The following MCTP2 variants were observed in gnomAD, a reference collection of about 807,000 sequenced individuals.
MCTP2 encodes multiple C2 and transmembrane domain-containing protein 2.
Under a neutral mutation model 111.6 loss-of-function variants are expected in MCTP2, and 132 were observed. That is an observed-to-expected ratio of 1.18 (90% CI 1.03 to 1.37). The LOEUF is 1.37. Ranked by LOEUF, MCTP2 falls within the 40% of genes most tolerant of loss-of-function variation. The pLI, the probability that MCTP2 is intolerant of heterozygous loss-of-function variation, is 0.00. For synonymous variants in MCTP2, 395 were observed against 387.7 expected (o/e 1.02, Z -0.22); for missense variants, 1,183 against 1,067.9 (o/e 1.11, Z -1.50).
At position 94,343,461 on chromosome 15, in the gene MCTP2, C is replaced by A. The variant is rs28431899; in HGVS notation, c.970-1668C>A. ...TTTCTTCCAGTCATCTTTGAGGTAG[C>A]CTTTGTTGCTTTAGAACCAAGCTGA... On this transcript the variant is annotated intron_variant, in intron 7 of 22. Coordinates refer to ENST00000357742, the MANE Select transcript of MCTP2 (RefSeq NM_001385001.1). The A allele has an allele frequency of 1.5e-3, 221 of 152,166 alleles. 1 individual carries two copies. The highest frequency in any genetic ancestry group is 4.9e-3 in the African/African-American group (205 of 41,544). 9.4% of individuals were successfully genotyped at this position (152,166 alleles called of 1,614,324 possible). A position where few individuals can be genotyped will look rare whatever the true frequency, so the allele number is the denominator to read the frequency against.
intron 7 of MCTP2, chr15:94,342,870 A>G (rs1317108904): frequency 6.6e-6 from 1 of 151,022 alleles, no homozygotes; most frequent in African/African-American, 2.4e-5. Context: ...CTGCATATTC[A>G]AATAGCTATC....
chr15:94,412,186 C>A (rs1047569523), intron 17 of MCTP2, among the ~76,000 whole-genome samples: 1 of 152,122 alleles, frequency 6.6e-6, no homozygotes, highest in Non-Finnish European at 1.5e-5. Flanking sequence ...GATTCTCAGT[C>A]CTACACTACT....
chr15:94,242,862 C>G lies in MCTP2; in HGVS notation c.-66+11198C>G, dbSNP rs138754635. On this transcript the variant is annotated intron_variant, in intron 1 of 22. Coordinates refer to ENST00000357742, the MANE Select transcript of MCTP2 (RefSeq NM_001385001.1). ...TGATTTGATGAAAGCCTGGCCACTT[C>G]TGGGGTTAGCTGACAGTGTTTCCTA... Among the ~76,000 whole-genome samples the G allele has an allele frequency of 3.8e-3, 569 of 150,350 alleles. 1 individual carries two copies. The highest frequency in any genetic ancestry group is 6.8e-3 in the Non-Finnish European group (458 of 67,468).
chr15:94,455,666 C>G (rs1015153080), intron 19 of MCTP2, among the ~76,000 whole-genome samples: 2 of 152,090 alleles, frequency 1.3e-5, no homozygotes, highest in Non-Finnish European at 2.9e-5. Flanking sequence ...ACCTCGTTAT[C>G]TGCCCGCCTT....
At chr15:94,314,920 A>G (rs2076312923) in intron 3 of MCTP2, 2 of 364,550 alleles carry the variant, frequency 5.5e-6, no homozygotes, top group East Asian at 7.5e-5. Context: ...AGAGAATGAA[A>G]GAGAAGGGTG....
chr15:94,280,812 A>G (rs2074442962), intron 1 of MCTP2, among the ~76,000 whole-genome samples: 1 of 152,106 alleles, frequency 6.6e-6, no homozygotes, highest in African/African-American at 2.4e-5. Context: ...AGTTTCAAAG[A>G]ATTTCTTGAT....
At chr15:94,402,859 AGT>A (rs2081671134) in intron 17 of MCTP2, 1 of 1,214,244 alleles carries the variant, frequency 8.2e-7, no homozygotes, top group Non-Finnish European at 1.0e-6. Context: ...GTGGTCTAAG[AGT>A]GTGAATATCA....
chr15:94,412,922 C>T (rs983162552), intron 17 of MCTP2, among the ~76,000 whole-genome samples: 1 of 152,000 alleles, frequency 6.6e-6, no homozygotes, highest in African/African-American at 2.4e-5. Context: ...AAAAATTAGC[C>T]GACTGTGGCC....
intron 4 of MCTP2, among the ~76,000 whole-genome samples, chr15:94,317,878 G>T (rs1256234261): frequency 1.3e-5 from 2 of 151,788 alleles, no homozygotes; most frequent in Non-Finnish European, 2.9e-5. Flanking sequence ...TTGGTAAATA[G>T]TTTTTTTTAA....
intron 10 of MCTP2, among the ~76,000 whole-genome samples, chr15:94,363,735 T>C (rs1239179532): frequency 1.3e-5 from 2 of 152,134 alleles, no homozygotes. Context: ...TCCTATTGAT[T>C]ACATTTTTAA....
chr15:94,464,256 A>ATT (rs376639122), intron 20 of MCTP2, among the ~76,000 whole-genome samples: 2 of 43,966 alleles, frequency 4.5e-5, no homozygotes, highest in African/African-American at 1.1e-4. Flanking sequence ...ATATATATAT[A>ATT]TTATATATAT....
chr15:94,351,013 C>T (rs1415127944), intron 8 of MCTP2, among the ~76,000 whole-genome samples: 1 of 151,346 alleles, frequency 6.6e-6, no homozygotes, highest in Non-Finnish European at 1.5e-5. Context: ...TTTTTAAGTA[C>T]AAAAATTGAG....
chr15:94,308,708 G>A (rs1432091873), intron 2 of MCTP2, among the ~76,000 whole-genome samples: 3 of 142,982 alleles, frequency 2.1e-5, no homozygotes, highest in Admixed American at 7.2e-5. Flanking sequence ...AACAGGGGTT[G>A]ATAAACTTTT....
chr15:94,314,344 T>G lies in MCTP2; in HGVS notation c.528T>G (p.Ser176=). The part of the protein sequence containing the change: ...SMTSQHFEEQ[S]VPGEASDGLS... ...CATCTCAACATTTTGAAGAACAATC[T>G]GTGAGTGGCATTCCTTAAAAAGAAA... Residue 176 remains serine, a splice_region_variant and synonymous_variant, in exon 3 of 23, where the codon TCT becomes TCG. Coordinates refer to ENST00000357742, the MANE Select transcript of MCTP2 (RefSeq NM_001385001.1). The G allele has an allele frequency of 6.3e-7, 1 of 1,593,278 alleles. No individual in the cohort carries two copies. Among genetic ancestry groups the G allele is most frequent in the Non-Finnish European group, 8.6e-7 (1 of 1,164,278 alleles).
chr15:94,411,284 C>CTT (rs111921100), intron 17 of MCTP2, among the ~76,000 whole-genome samples: 36 of 139,276 alleles, frequency 2.6e-4, no homozygotes, highest in Admixed American at 1.4e-4. Context: ...TTTGATATTG[C>CTT]TTTTTTTTTT....
intron 19 of MCTP2, among the ~76,000 whole-genome samples, chr15:94,450,371 C>A (rs1322360363): frequency 6.6e-6 from 1 of 152,196 alleles, no homozygotes; most frequent in Non-Finnish European, 1.5e-5. Context: ...CGCACGTGTG[C>A]GTCTGCATCC....
intron 21 of MCTP2, among the ~76,000 whole-genome samples, chr15:94,474,614 T>C (rs2074197646): frequency 6.6e-6 from 1 of 152,122 alleles, no homozygotes; most frequent in Non-Finnish European, 1.5e-5. Context: ...ATCCCAGCAC[T>C]TTGGGAGGCT....
At chr15:94,326,485 G>A (rs762529363) in intron 4 of MCTP2, among the ~76,000 whole-genome samples, 17 of 152,030 alleles carry the variant, frequency 1.1e-4, no homozygotes, top group Non-Finnish European at 2.1e-4. Flanking sequence ...TTACTCTTGA[G>A]AAAGACCTAT....
chr15:94,297,608 GA>G (rs2075333695), intron 1 of MCTP2, among the ~76,000 whole-genome samples: 1 of 152,036 alleles, frequency 6.6e-6, no homozygotes, highest in African/African-American at 2.4e-5. Flanking sequence ...TTAAAGCAGG[GA>G]TCAGCAAGCC....
Sources: allele counts gnomAD v4.1 joint callset (sites outside exome capture counted in the v4.1 genomes callset), GRCh38; gene constraint gnomAD v4.1.1; transcripts MANE v1.5; gene names NCBI Gene and HGNC (gene_info 2026-07-23, HGNC 2026-07-21).